Variants in SDK2 observed in about 807,000 individuals in gnomAD.
The protein encoded by SDK2 is sidekick cell adhesion molecule 2, also known as protein sidekick-2.
SDK2 carries 105 observed loss-of-function variants against 253.9 expected under a neutral mutation model. The ratio of observed to expected loss-of-function variants is 0.41; its 90% CI spans 0.35 to 0.49. The LOEUF is 0.49. Among genes scored for constraint, SDK2 ranks in the 20% least tolerant of loss-of-function variants. The pLI, the probability that SDK2 is intolerant of heterozygous loss-of-function variation, is 0.06. For synonymous variants in SDK2, 1,249 were observed against 1,234.9 expected (o/e 1.01, Z -0.24); for missense variants, 2,608 against 3,003.0 (o/e 0.87, Z 3.07).
intron 16 of SDK2, among the ~76,000 whole-genome samples, chr17:73,417,870 T>C (rs1256335279): frequency 6.6e-6 from 1 of 152,136 alleles, no homozygotes; most frequent in African/African-American, 2.4e-5. Flanking sequence ...GGATGGGTCA[T>C]TCATTTGAGA....
chr17:73,342,962 T>C (rs1290176466), intron 44 of SDK2, among the ~76,000 whole-genome samples: 3 of 152,030 alleles, frequency 2.0e-5, no homozygotes, highest in Admixed American at 1.3e-4. Flanking sequence ...TGGGAGGGAT[T>C]AGAAGGGGCC....
At chr17:73,355,901 C>G (rs920875941) in intron 40 of SDK2, among the ~76,000 whole-genome samples, 2 of 152,128 alleles carry the variant, frequency 1.3e-5, no homozygotes, top group Non-Finnish European at 2.9e-5. Context: ...CCTCACATGC[C>G]TCTGAATTCT....
At position 73,639,727 on chromosome 17, in the gene SDK2, A is replaced by G. The variant is rs2046375130; in HGVS notation, c.64+4298T>C. Among the ~76,000 whole-genome samples, 1 of 152,110 alleles carries G rather than the reference A, an allele frequency of 6.6e-6. No individual in the cohort carries two copies. The highest frequency in any genetic ancestry group is 2.1e-4 in the South Asian group (1 of 4,826). On this transcript the variant is annotated intron_variant, in intron 1 of 44. Transcript: ENST00000392650. This position sits in a 1 kb window ranked among gnomAD's most constrained non-coding sequence, Gnocchi z 4.3. ...GCTGGGAGTCCGTAGGGACAGGGAG[A>G]GGGTTCCAGCCAATCAGAGGACCCC...
At chr17:73,428,152 A>G (rs1038285493) in intron 12 of SDK2, among the ~76,000 whole-genome samples, 5 of 152,218 alleles carry the variant, frequency 3.3e-5, no homozygotes, top group Non-Finnish European at 5.9e-5. Flanking sequence ...ATCACAGCAC[A>G]GCTATTAGAA....
chr17:73,409,570 C>T (rs535068504), intron 18 of SDK2, among the ~76,000 whole-genome samples: 4 of 151,550 alleles, frequency 2.6e-5, no homozygotes, highest in South Asian at 4.2e-4. Context: ...GCAGAGGTTG[C>T]GGTGAGCTGA....
Position 73,368,533 on chromosome 17 carries a change from C to G in SDK2, c.5041G>C (p.Ala1681Pro). ...TTCTTGAGCTTCACGCTGTTCTCAG[C>G]CAGGAAAAGCGTCTTCACTCGCTCT... ...LTERVKTLFL[A>P]ENSVKLKNLT... Residue 1681 changes from alanine to proline, a missense_variant, in exon 37 of 45, where the codon GCT (alanine) becomes CCT (proline). Ala to Pro is a conservative substitution (Grantham distance 27). Coordinates refer to ENST00000392650, the MANE Select transcript of SDK2 (RefSeq NM_001144952.2). The G allele has an allele frequency of 1.9e-6, 3 of 1,609,288 alleles. No homozygotes were observed. The highest frequency in any genetic ancestry group is 2.5e-6 in the Non-Finnish European group (3 of 1,178,030).
chr17:73,625,946 C>T (rs2143223199), intron 1 of SDK2, among the ~76,000 whole-genome samples: 1 of 152,280 alleles, frequency 6.6e-6, no homozygotes, highest in African/African-American at 2.4e-5. Context: ...AGTCCTGCAG[C>T]ATTTTCATTT....
At position 73,576,311 on chromosome 17, in the gene SDK2, G is replaced by A. The variant is rs140476189; in HGVS notation, c.64+67714C>T. ...GGGTGTCCCCAAGGAAGGGAAAGGC[G>A]TCCCAAGGATCAGAAGGGCATCCCC... On this transcript the variant is annotated intron_variant, in intron 1 of 44. Transcript: ENST00000392650. Among the ~76,000 whole-genome samples the A allele has an allele frequency of 5.0e-3, 753 of 152,102 alleles. 8 individuals carry two copies. Among genetic ancestry groups the A allele is most frequent in the African/African-American group, 0.017 (707 of 41,492 alleles).
chr17:73,374,178 T>C (rs754597767), intron 36 of SDK2, among the ~76,000 whole-genome samples: 1 of 145,012 alleles, frequency 6.9e-6, no homozygotes, highest in Non-Finnish European at 1.5e-5. Flanking sequence ...GTTCTTTATC[T>C]TTCCTTGTCT....
Position 73,424,059 on chromosome 17 carries a change from G to T in SDK2, c.1617C>A (p.Gly539=), listed in dbSNP as rs760588176. ...YIWEKDGATL[G]TESHPRIRLD... Reference sequence around the variant, plus strand: ...GGCGGATACGAGGATGGCTCTCCGTGCCCAGGGTGGCCCCGTCCTTCTCCC... The same window carrying T: ...GGCGGATACGAGGATGGCTCTCCGTTCCCAGGGTGGCCCCGTCCTTCTCCC... The change falls in exon 13 of 45, where the codon GGC becomes GGA. Residue 539 remains glycine (G), a synonymous_variant. Coordinates refer to ENST00000392650, the MANE Select transcript of SDK2 (RefSeq NM_001144952.2). 15 of 1,612,692 alleles carry T rather than the reference G, an allele frequency of 9.3e-6. No homozygotes were observed. In the Admixed American group the frequency reaches 2.5e-4, roughly 27 times the overall value.
At position 73,366,176 on chromosome 17, in the gene SDK2, G is replaced by C. The variant is rs77685205; in HGVS notation, c.5168-781C>G. ...GCTCCAGCCCCAGGAGGCAGAGTCA[G>C]CGAGTGTCTTTGAAGGAGGGAGGTG... On this transcript the variant is annotated intron_variant, in intron 37 of 44. Coordinates refer to ENST00000392650, the MANE Select transcript of SDK2 (RefSeq NM_001144952.2). Among the ~76,000 whole-genome samples, 1,251 of 152,304 alleles carry C rather than the reference G, an allele frequency of 8.2e-3. 10 individuals are homozygous for C. Among genetic ancestry groups the C allele is most frequent in the African/African-American group, 0.028 (1,181 of 41,566 alleles).
intron 1 of SDK2, among the ~76,000 whole-genome samples, chr17:73,535,099 C>A (rs1458202806): frequency 6.6e-6 from 1 of 152,202 alleles, no homozygotes; most frequent in Admixed American, 6.5e-5. Flanking sequence ...CACCGCCAAT[C>A]CCCTATAGCC....
chr17:73,519,789 C>A (rs901743995), intron 1 of SDK2: 2 of 152,172 alleles, frequency 1.3e-5, no homozygotes, highest in South Asian at 2.1e-4. Flanking sequence ...CAAGGCTGGG[C>A]CCCGCAGGGA....
chr17:73,384,956 C>T (rs1311873574), intron 32 of SDK2, among the ~76,000 whole-genome samples: 2 of 152,244 alleles, frequency 1.3e-5, no homozygotes, highest in African/African-American at 2.4e-5. Context: ...AGCCTCGTCC[C>T]GGTCACAGGT....
At chr17:73,410,819 C>T (rs2063119280) in intron 18 of SDK2, among the ~76,000 whole-genome samples, 2 of 152,242 alleles carry the variant, frequency 1.3e-5, no homozygotes, top group Non-Finnish European at 2.9e-5. Flanking sequence ...TGGGCACTGA[C>T]TGGACCTGGG....
chr17:73,571,672 G>C (rs1323835301), intron 1 of SDK2, among the ~76,000 whole-genome samples: 2 of 152,234 alleles, frequency 1.3e-5, no homozygotes, highest in Non-Finnish European at 2.9e-5. Context: ...TGTGGGGCAT[G>C]TGCCCAGCGG....
chr17:73,476,383 G>A (rs2063686116), intron 2 of SDK2, among the ~76,000 whole-genome samples: 1 of 152,162 alleles, frequency 6.6e-6, no homozygotes, highest in East Asian at 1.9e-4. Context: ...CCCGGGATGG[G>A]GAGGGAAGAA....
rs548487855 is a variant in SDK2 at position 73,385,422 on chromosome 17, G to A, written c.4569+425C>T. ...GGTCTCTGCAAGGAATCCCTTCACCGACCAGTGGGGCTTCATGGAGACTCT... is the reference window on the plus strand; with the variant it reads ...GGTCTCTGCAAGGAATCCCTTCACCAACCAGTGGGGCTTCATGGAGACTCT... On this transcript the variant is annotated intron_variant, in intron 32 of 44. Transcript: ENST00000392650. Among the ~76,000 whole-genome samples, 12 of 152,266 alleles carry A rather than the reference G, an allele frequency of 7.9e-5. No homozygotes were observed. The South Asian group carries it at 1.5e-3, about 18-fold the overall frequency.
At chr17:73,625,413 G>GTC (rs1393778887) in intron 1 of SDK2, among the ~76,000 whole-genome samples, 1 of 152,142 alleles carries the variant, frequency 6.6e-6, no homozygotes, top group Non-Finnish European at 1.5e-5. Context: ...GGAGAACAGG[G>GTC]TCCTAGGTGG....
Sources: allele counts gnomAD v4.1 joint callset (sites outside exome capture counted in the v4.1 genomes callset), GRCh38; gene constraint gnomAD v4.1.1; non-coding constraint Gnocchi (gnomAD v3.1); transcripts MANE v1.5; gene names NCBI Gene and HGNC (gene_info 2026-07-23, HGNC 2026-07-21).